EPHA6: variants seen among roughly 807,000 people sequenced by gnomAD.
EPHA6 encodes EPH receptor A6.
Under a neutral mutation model 112.0 loss-of-function variants are expected in EPHA6, and 50 were observed. The ratio of observed to expected loss-of-function variants is 0.45; its 90% CI spans 0.36 to 0.56. The LOEUF is 0.56. EPHA6 is among the 20% of genes least tolerant of loss of function. The pLI is 0.00. For missense variants in EPHA6, 1,280 were observed against 1,417.4 expected, an observed-to-expected ratio of 0.90 and a Z score of 1.56; for synonymous variants, 529 against 490.7, an observed-to-expected ratio of 1.08 and a Z score of -1.03.
chr3:97,177,976 A>T (rs1043522476), intron 3 of EPHA6, among the ~76,000 whole-genome samples: 3 of 151,498 alleles, frequency 2.0e-5, no homozygotes, highest in Admixed American at 6.6e-5. Flanking sequence ...GTAAGGACTT[A>T]CTCCTGCCAT....
At chr3:97,387,503 C>T (rs148551131) in intron 5 of EPHA6, among the ~76,000 whole-genome samples, 26 of 151,724 alleles carry the variant, frequency 1.7e-4, no homozygotes, top group African/African-American at 5.8e-4. Flanking sequence ...CAAAGCATAG[C>T]AAGAGTGACC....
At chr3:97,062,580 A>G (rs2046055440) in intron 3 of EPHA6, among the ~76,000 whole-genome samples, 1 of 152,214 alleles carries the variant, frequency 6.6e-6, no homozygotes. Flanking sequence ...TGTAGCTCCT[A>G]TAATTCCCAT....
chr3:97,113,691 A>C lies in EPHA6; in HGVS notation c.1115-112573A>C, dbSNP rs1576511023. 2.6e-5 allele frequency among the ~76,000 whole-genome samples: 4 copies of C among 152,206 alleles called. 1 individual carries two copies. Among genetic ancestry groups the C allele is most frequent in the Middle Eastern group, 3.4e-3 (1 of 294 alleles). ...CTTTTTCCTTTTTTCATCCAGAAGT[A>C]ACATTTTTTACTTCTCTCTCTCCCT... On this transcript the variant is annotated intron_variant, in intron 3 of 17. Transcript: ENST00000389672.
At chr3:97,089,945 A>C (rs959174605) in intron 3 of EPHA6, among the ~76,000 whole-genome samples, 3 of 152,132 alleles carry the variant, frequency 2.0e-5, no homozygotes, top group South Asian at 2.1e-4. Flanking sequence ...GGGATAAAGC[A>C]ATATAAATCA....
intron 14 of EPHA6, among the ~76,000 whole-genome samples, chr3:97,717,303 G>A (rs1278775142): frequency 6.6e-6 from 1 of 150,706 alleles, no homozygotes; most frequent in Non-Finnish European, 1.5e-5. Flanking sequence ...ATTTTGTAAT[G>A]TTGTTCATTT....
chr3:96,974,143 TATAA>T (rs1000261812), intron 2 of EPHA6, among the ~76,000 whole-genome samples: 6 of 146,766 alleles, frequency 4.1e-5, no homozygotes, highest in Non-Finnish European at 6.0e-5. Flanking sequence ...TACTTATAAT[TATAA>T]ATAATGTATT....
intron 3 of EPHA6, among the ~76,000 whole-genome samples, chr3:97,029,026 C>T (rs982843359): frequency 5.3e-5 from 8 of 151,094 alleles, no homozygotes; most frequent in Non-Finnish European, 8.9e-5. Context: ...AAAATAAAAA[C>T]AAAAGTTAGA....
At position 97,628,224 on chromosome 3, in the gene EPHA6, A is replaced by G. The variant is rs552027795; in HGVS notation, c.2575-9649A>G. On this transcript the variant is annotated intron_variant, in intron 13 of 17. Coordinates refer to ENST00000389672, the MANE Select transcript of EPHA6 (RefSeq NM_001080448.3). ...GCAGTAGAGTTTATGGGAAATGGTCAAAGTCTATGATGTATGTTAAAAGTA... is the reference window on the plus strand; with the variant it reads ...GCAGTAGAGTTTATGGGAAATGGTCGAAGTCTATGATGTATGTTAAAAGTA... Among the ~76,000 whole-genome samples, 11 of 152,096 alleles carry G rather than the reference A, an allele frequency of 7.2e-5. No individual in the cohort carries two copies. The South Asian group carries it at 1.9e-3, about 26-fold the overall frequency.
At chr3:96,933,927 C>A (rs1376376652) in intron 2 of EPHA6, among the ~76,000 whole-genome samples, 1 of 151,810 alleles carries the variant, frequency 6.6e-6, no homozygotes, top group Non-Finnish European at 1.5e-5. Flanking sequence ...GAAGAAATGG[C>A]TTGGTATTTT....
At chr3:97,236,588 T>G (rs1247997481) in intron 4 of EPHA6, among the ~76,000 whole-genome samples, 1 of 152,106 alleles carries the variant, frequency 6.6e-6, no homozygotes, top group Non-Finnish European at 1.5e-5. Flanking sequence ...TTTGTATTGT[T>G]TTATCTAAAT....
At position 97,448,614 on chromosome 3, in the gene EPHA6, G is replaced by T. The variant is rs757394593; in HGVS notation, c.1778G>T (p.Ser593Ile). 1.2e-6 allele frequency: 2 copies of T among 1,613,488 alleles called. No homozygotes were observed. The highest frequency in any genetic ancestry group is 1.7e-6 in the Non-Finnish European group (2 of 1,179,572). The change falls in exon 7 of 18, where the codon AGT becomes ATT. Residue 593 changes from serine (S) to isoleucine (I), a missense_variant. By Grantham distance (142) the Ser-to-Ile change is moderately radical. Around this residue, in one of 4 missense-constraint regions of EPHA6, gnomAD observed 878 missense variants for 999.7 expected, o/e 0.88. Transcript: ENST00000389672. ...TCTTCCACAAGGTCCAAAGCCCCCA[G>T]TGTCATCATCACAGGTCTTAAGCCA... is the stretch of plus-strand genomic sequence containing the variant. ...TYSSTRSKAP[S>I]VIITGLKPAT...
At chr3:97,271,854 T>C (rs941191437) in intron 5 of EPHA6, among the ~76,000 whole-genome samples, 1 of 152,212 alleles carries the variant, frequency 6.6e-6, no homozygotes, top group African/African-American at 2.4e-5. Context: ...GATATACATA[T>C]GCATATGAAA....
At chr3:97,222,093 G>T (rs1441413192) in intron 3 of EPHA6, among the ~76,000 whole-genome samples, 2 of 151,204 alleles carry the variant, frequency 1.3e-5, no homozygotes, top group African/African-American at 4.9e-5. Flanking sequence ...AAATACGGTA[G>T]ATATTGTGCA....
chr3:97,049,622 G>A (rs912306448), intron 3 of EPHA6, among the ~76,000 whole-genome samples: 2 of 152,242 alleles, frequency 1.3e-5, no homozygotes, highest in African/African-American at 4.8e-5. Context: ...CACCATAAAG[G>A]AATGAATACC....
chr3:97,618,598 G>A (rs2093785850), intron 13 of EPHA6, among the ~76,000 whole-genome samples: 2 of 151,892 alleles, frequency 1.3e-5, no homozygotes, highest in Admixed American at 1.3e-4. Flanking sequence ...TTACCCCACA[G>A]AAATACAAGC....
intron 3 of EPHA6, among the ~76,000 whole-genome samples, chr3:97,064,694 T>C (rs2046125366): frequency 6.6e-6 from 1 of 152,184 alleles, no homozygotes; most frequent in Non-Finnish European, 1.5e-5. Flanking sequence ...GTAATGACAT[T>C]TACATTAATG....
chr3:97,471,349 T>C (rs2107444501), intron 7 of EPHA6, among the ~76,000 whole-genome samples: 1 of 151,874 alleles, frequency 6.6e-6, no homozygotes, highest in African/African-American at 2.4e-5. Flanking sequence ...TTCTGTAATT[T>C]CTTATTCAGT....
At chr3:96,994,732 T>TATATATATATAGAGAGAGAGAG (rs1170197805) in intron 3 of EPHA6, among the ~76,000 whole-genome samples, 9 of 82,200 alleles carry the variant, frequency 1.1e-4, no homozygotes, top group African/African-American at 4.5e-4. Context: ...TATATATATA[T>TATATATATATAGAGAGAGAGAG]AGAGAGAGAG....
Position 97,759,679 on chromosome 3 carries a change from G to A in EPHA6, c.*10978G>A. 8.7e-6 allele frequency: 2 copies of A among 229,412 alleles called. No individual in the cohort carries two copies. Among genetic ancestry groups the A allele is most frequent in the East Asian group, 1.2e-4 (2 of 16,106 alleles). The allele number at this position is 229,412 out of a possible 1,614,324, so 14.2% of individuals were successfully genotyped here. On this transcript the variant is annotated 3_prime_UTR_variant, in exon 18 of 18. Transcript: ENST00000389672. ...GTGCAAATAGGTTGGTATATTTGTG[G>A]TAGAAAGGGAAGGATGTCACTACGT...
Sources: gnomAD v4.1 joint callset for allele counts (sites outside exome capture counted in the v4.1 genomes callset) on GRCh38, gnomAD v4.1.1 for gene constraint, gnomAD v4.1.1 regional missense constraint, MANE v1.5 for transcripts, NCBI Gene and HGNC (gene_info 2026-07-23, HGNC 2026-07-21) for gene names.